The following ARHGEF18 variants were observed in gnomAD, a reference collection of about 807,000 sequenced individuals.
ARHGEF18 encodes rho guanine nucleotide exchange factor 18.
Under a neutral mutation model 155.7 loss-of-function variants are expected in ARHGEF18, and 93 were observed. The ratio of observed to expected loss-of-function variants is 0.60; its 90% confidence interval spans 0.50 to 0.71. The LOEUF is 0.71. ARHGEF18 is among the 30% of genes least tolerant of loss of function. The probability of loss-of-function intolerance (pLI) is 0.00; values close to 1 mark genes in which losing one functional copy is unlikely to be tolerated. For missense variants in ARHGEF18, 1,593 were observed against 1,816.1 expected, an observed-to-expected ratio of 0.88 and a Z score of 2.23; for synonymous variants, 742 against 753.1, an observed-to-expected ratio of 0.99 and a Z score of 0.24.
At chr19:7,403,882 T>C (rs577748304) in intron 10 of ARHGEF18, among the ~76,000 whole-genome samples, 1 of 152,062 alleles carries the variant, frequency 6.6e-6, no homozygotes, top group Non-Finnish European at 1.5e-5. Context: ...CTGGCCAACA[T>C]GGCAAAACCT....
At chr19:7,404,059 C>G (rs1208577015) in intron 10 of ARHGEF18, among the ~76,000 whole-genome samples, 1 of 149,292 alleles carries the variant, frequency 6.7e-6, no homozygotes, top group Non-Finnish European at 1.5e-5. Flanking sequence ...CAGAGCGAGA[C>G]TCCGTCTCAA....
chr19:7,381,341 C>T (rs1970724688), intron 8 of ARHGEF18, among the ~76,000 whole-genome samples: 1 of 151,194 alleles, frequency 6.6e-6, no homozygotes, highest in Admixed American at 6.6e-5. Flanking sequence ...TCAGCAGAGA[C>T]CAGACCACCT....
chr19:7,424,942 C>T (rs151050967), intron 10 of ARHGEF18, among the ~76,000 whole-genome samples: 1 of 150,424 alleles, frequency 6.6e-6, no homozygotes, highest in Admixed American at 6.7e-5. Flanking sequence ...TGCAGTGAGC[C>T]GAGATCACGC....
chr19:7,389,928 G>A (rs778828091), intron 10 of ARHGEF18, among the ~76,000 whole-genome samples: 3 of 152,144 alleles, frequency 2.0e-5, no homozygotes, highest in Admixed American at 6.6e-5. Flanking sequence ...GGGGCCGGGC[G>A]CGGAAGCTCA....
At position 7,383,151 on chromosome 19, in the gene ARHGEF18, C is replaced by G; in HGVS notation, c.915C>G (p.Thr305=). 4 of 1,232,220 alleles carry G rather than the reference C, an allele frequency of 3.2e-6. No homozygotes were observed. Among genetic ancestry groups the G allele is most frequent in the Non-Finnish European group, 4.0e-6 (4 of 988,040 alleles). 76.3% of individuals were successfully genotyped at this position (1,232,220 alleles called of 1,614,324 possible). The change falls in exon 10 of 29, where the codon ACC becomes ACG. Residue 305 remains threonine, a synonymous_variant. Coordinates refer to ENST00000668164, the MANE Select transcript of ARHGEF18 (RefSeq NM_001367823.1). ...ATGGGCACCAGCTGTTGCAAGGGAC[C>G]TTCTCCGGCCCCTCCAGCTGCCCCC... ...CVNGHQLLQG[T]FSGPSSCPLC... is the part of the protein sequence containing the mutation.
intron 7 of ARHGEF18, among the ~76,000 whole-genome samples, chr19:7,379,940 G>A (rs868600351): frequency 9.2e-5 from 14 of 151,932 alleles, no homozygotes; most frequent in South Asian, 6.2e-4. Flanking sequence ...TGAGGTGGGA[G>A]GATTGTTTGA....
intron 14 of ARHGEF18, among the ~76,000 whole-genome samples, chr19:7,445,390 A>G (rs1393772786): frequency 6.6e-6 from 1 of 152,046 alleles, no homozygotes; most frequent in Non-Finnish European, 1.5e-5. Context: ...CAAGGCTGCA[A>G]TGAGCTATGA....
intron 10 of ARHGEF18, among the ~76,000 whole-genome samples, chr19:7,396,853 T>C (rs1191162786): frequency 6.6e-6 from 1 of 151,950 alleles, no homozygotes; most frequent in Non-Finnish European, 1.5e-5. Context: ...TAAGGGTTGG[T>C]TGGGGTTTCT....
At chr19:7,369,081 G>A (rs998186101) in intron 2 of ARHGEF18, among the ~76,000 whole-genome samples, 2 of 152,192 alleles carry the variant, frequency 1.3e-5, no homozygotes, top group Non-Finnish European at 2.9e-5. Flanking sequence ...CGTAATCCCA[G>A]CACTTTGGGA....
rs1976856029 is a variant in ARHGEF18 at position 7,469,148 on chromosome 19, C to T, written c.3787+17C>T. 3 of 1,568,340 alleles carry T rather than the reference C, an allele frequency of 1.9e-6. No homozygotes were observed. Among genetic ancestry groups the T allele is most frequent in the Non-Finnish European group, 2.6e-6 (3 of 1,156,712 alleles). ...AGAGCTCAGGTGAGCCGGCCCCACC[C>T]CTTCGCCTGGGCCTGGAAGGTGCAA... On this transcript the variant is annotated intron_variant, in intron 27 of 28. Coordinates refer to ENST00000668164, the MANE Select transcript of ARHGEF18 (RefSeq NM_001367823.1).
chr19:7,422,085 C>T (rs1644257265), intron 10 of ARHGEF18, among the ~76,000 whole-genome samples: 1 of 152,090 alleles, frequency 6.6e-6, no homozygotes, highest in Non-Finnish European at 1.5e-5. Flanking sequence ...AGGGCTTTGT[C>T]ACCTCGCACT....
Position 7,462,210 on chromosome 19 carries a change from C to G in ARHGEF18, c.2511C>G (p.Ile837Met), listed in dbSNP as rs201272096. 1 of 1,614,042 alleles carries G rather than the reference C, an allele frequency of 6.2e-7. No individual in the cohort carries two copies. The highest frequency in any genetic ancestry group is 2.2e-5 in the East Asian group (1 of 44,880). ...AGAGCCTCCTAGAGAAACAGCAGAT[C>G]TACCTGGAGATGGCCGAGATGGGCG... Reference protein sequence around the residue: ...IAQSLLEKQQIYLEMAEMGGL... With the variant: ...IAQSLLEKQQMYLEMAEMGGL... The change falls in exon 21 of 29, where the codon ATC (isoleucine) becomes ATG (methionine). Residue 837 changes from isoleucine (I) to methionine (M), a missense_variant. Ile to Met is a conservative substitution (Grantham distance 10). Coordinates refer to ENST00000668164, the MANE Select transcript of ARHGEF18 (RefSeq NM_001367823.1). The surrounding 1 kb of genome is among the most constrained non-coding windows in gnomAD (Gnocchi z 4.4).
At chr19:7,449,471 G>T (rs1481951241) in intron 15 of ARHGEF18, among the ~76,000 whole-genome samples, 1 of 152,130 alleles carries the variant, frequency 6.6e-6, no homozygotes, top group African/African-American at 2.4e-5. Context: ...CTACTCGGAG[G>T]CTGAGACAGG....
chr19:7,433,748 G>A (rs930446606), intron 10 of ARHGEF18, among the ~76,000 whole-genome samples: 1 of 151,910 alleles, frequency 6.6e-6, no homozygotes, highest in South Asian at 2.1e-4. Context: ...GGCTGGGTGC[G>A]GTGGCTCAGG....
chr19:7,431,238 C>T (rs1453421888), intron 10 of ARHGEF18, among the ~76,000 whole-genome samples: 2 of 151,942 alleles, frequency 1.3e-5, no homozygotes, highest in South Asian at 2.1e-4. Context: ...TAAGTGAGGC[C>T]GGGCACGGTG....
At chr19:7,366,014 C>T (rs1174816619) in intron 2 of ARHGEF18, among the ~76,000 whole-genome samples, 1 of 152,130 alleles carries the variant, frequency 6.6e-6, no homozygotes, top group Non-Finnish European at 1.5e-5. Flanking sequence ...GGCACAATCT[C>T]GGCTCACTGC....
chr19:7,391,268 G>A (rs376675757), intron 10 of ARHGEF18, among the ~76,000 whole-genome samples: 41 of 152,070 alleles, frequency 2.7e-4, no homozygotes, highest in African/African-American at 8.0e-4. Context: ...GTTTCCTCCC[G>A]TCCGTGGGAC....
At chr19:7,353,162 G>A (rs1260946552) in intron 1 of ARHGEF18, among the ~76,000 whole-genome samples, 3 of 151,784 alleles carry the variant, frequency 2.0e-5, no homozygotes, top group Admixed American at 6.6e-5. Context: ...TTCCAGGGCC[G>A]TGATTCTTCC....
intron 1 of ARHGEF18, among the ~76,000 whole-genome samples, chr19:7,360,753 C>T (rs1568263155): frequency 6.6e-6 from 1 of 152,206 alleles, no homozygotes; most frequent in Non-Finnish European, 1.5e-5. Context: ...CCTCCAGGAC[C>T]CTCCCCCACA....
Sources: allele counts gnomAD v4.1 joint callset (sites outside exome capture counted in the v4.1 genomes callset), GRCh38; gene constraint gnomAD v4.1.1; non-coding constraint Gnocchi (gnomAD v3.1); transcripts MANE v1.5; gene names NCBI Gene and HGNC (gene_info 2026-07-23, HGNC 2026-07-21).